The following EFNA5 variants were observed in gnomAD, a reference collection of about 807,000 sequenced individuals.
EFNA5 encodes the protein ephrin A5, also known as ephrin-A5.
EFNA5 carries 5 observed loss-of-function variants against 22.9 expected under a neutral mutation model. The observed-to-expected ratio is 0.22, with a 90% CI of 0.11 to 0.46. The LOEUF is 0.46. Ranked by LOEUF, EFNA5 falls within the 20% of genes least tolerant of loss-of-function variation. EFNA5 has a pLI of 0.99. For synonymous variants in EFNA5, 113 were observed against 112.2 expected (o/e 1.01, Z -0.04); for missense variants, 237 against 293.3 (o/e 0.81, Z 1.40).
chr5:107,436,943 A>T (rs1222908856), intron 1 of EFNA5, among the ~76,000 whole-genome samples: 5 of 142,006 alleles, frequency 3.5e-5, no homozygotes, highest in Non-Finnish European at 7.8e-5. Flanking sequence ...AGGGTTAATA[A>T]GTAAATCTCC....
chr5:107,396,045 T>C (rs1580422197), intron 2 of EFNA5, among the ~76,000 whole-genome samples: 3 of 152,296 alleles, frequency 2.0e-5, no homozygotes, highest in African/African-American at 7.2e-5. Context: ...ACAGAAACAA[T>C]GTCATTATCA....
intron 2 of EFNA5, among the ~76,000 whole-genome samples, chr5:107,395,263 T>G (rs893888320): frequency 3.3e-5 from 5 of 152,088 alleles, no homozygotes; most frequent in Non-Finnish European, 7.4e-5. Flanking sequence ...GGTCTCGAAC[T>G]TCTGACCTCA....
At chr5:107,536,666 A>G (rs773504800) in intron 1 of EFNA5, among the ~76,000 whole-genome samples, 6 of 152,236 alleles carry the variant, frequency 3.9e-5, no homozygotes, top group Non-Finnish European at 5.9e-5. Context: ...TATATCAAAC[A>G]GGAGCTCAAA....
chr5:107,385,975 A>G (rs1338193790), intron 4 of EFNA5, among the ~76,000 whole-genome samples: 1 of 151,978 alleles, frequency 6.6e-6, no homozygotes, highest in Admixed American at 6.6e-5. Flanking sequence ...AAAAAACTCT[A>G]ACTCTTCCTG....
At chr5:107,539,791 G>A (rs1748008162) in intron 1 of EFNA5, among the ~76,000 whole-genome samples, 1 of 152,130 alleles carries the variant, frequency 6.6e-6, no homozygotes, top group Admixed American at 6.5e-5. Context: ...ATACAAACCA[G>A]TCAGCATACC....
chr5:107,572,641 C>T (rs906291829), intron 1 of EFNA5, among the ~76,000 whole-genome samples: 1 of 152,120 alleles, frequency 6.6e-6, no homozygotes. Context: ...GACACTGCAG[C>T]GTAGGATCAA....
At chr5:107,557,098 T>G (rs1028578141) in intron 1 of EFNA5, among the ~76,000 whole-genome samples, 1 of 152,136 alleles carries the variant, frequency 6.6e-6, no homozygotes, top group Non-Finnish European at 1.5e-5. Flanking sequence ...TAAAACCACC[T>G]ACATCTCCCT....
chr5:107,667,864 T>C (rs964605662), intron 1 of EFNA5, among the ~76,000 whole-genome samples: 2 of 152,212 alleles, frequency 1.3e-5, no homozygotes, highest in Non-Finnish European at 2.9e-5. Flanking sequence ...TTATAAAATT[T>C]ACTAAACCCG....
rs1174296136 is a variant in EFNA5 at position 107,482,860 on chromosome 5, CTCTCTCTCTCTA to C, written c.126-55363_126-55352del. Among the ~76,000 whole-genome samples, 816 of 87,658 alleles carry C rather than the reference CTCTCTCTCTCTA, an allele frequency of 9.3e-3. 7 individuals are homozygous for C. The highest frequency in any genetic ancestry group is 0.035 in the African/African-American group (766 of 22,192). The allele number at this position is 87,658 out of a possible 152,430, so 57.5% of individuals were successfully genotyped here. ...TCTCTCTCTCTCTCTCTCTCTCTCTCTCTCTCTCTCTATATATATATATATATATATATACAT... is the reference window on the plus strand; with the variant it reads ...TCTCTCTCTCTCTCTCTCTCTCTCTCTATATATATATATATATATATACAT... On this transcript the variant is annotated intron_variant, in intron 1 of 4. Transcript: ENST00000333274.
chr5:107,484,823 G>A (rs1746552733), intron 1 of EFNA5, among the ~76,000 whole-genome samples: 1 of 151,444 alleles, frequency 6.6e-6, no homozygotes. Context: ...AGATTTCTGA[G>A]TTGAGGAATA....
In EFNA5 at chr5:107,381,222, G is replaced by A. The variant is rs944172192; in HGVS notation, c.*33C>T. The stretch of plus-strand genomic sequence containing the variant: ...ATCTCTGGTGTTCCAAGACCCTGAT[G>A]TTTTCTGTGACAAGTGATGGGAGGA... On this transcript the variant is annotated 3_prime_UTR_variant, in exon 5 of 5. Transcript: ENST00000333274. 1.2e-6 allele frequency: 2 copies of A among 1,600,322 alleles called. No homozygotes were observed. Among genetic ancestry groups the A allele is most frequent in the Admixed American group, 3.3e-5 (2 of 59,720 alleles).
At chr5:107,392,222 T>C (rs891537260) in intron 2 of EFNA5, among the ~76,000 whole-genome samples, 1 of 152,174 alleles carries the variant, frequency 6.6e-6, no homozygotes, top group Non-Finnish European at 1.5e-5. Context: ...CAGTCCTTTG[T>C]ATAATCCCCT....
chr5:107,655,929 T>C (rs886264127), intron 1 of EFNA5, among the ~76,000 whole-genome samples: 1 of 152,090 alleles, frequency 6.6e-6, no homozygotes, highest in African/African-American at 2.4e-5. Context: ...AGATAGTCAA[T>C]AGCAAGAGTT....
At chr5:107,519,962 C>A (rs1747560607) in intron 1 of EFNA5, among the ~76,000 whole-genome samples, 1 of 152,166 alleles carries the variant, frequency 6.6e-6, no homozygotes, top group Non-Finnish European at 1.5e-5. Context: ...CCCATTCCAT[C>A]CTGATTTCTC....
chr5:107,608,159 G>C (rs148447360), intron 1 of EFNA5, among the ~76,000 whole-genome samples: 35 of 152,270 alleles, frequency 2.3e-4, no homozygotes, highest in African/African-American at 7.9e-4. Flanking sequence ...ACAGAAATGT[G>C]TAACTTCCCC....
intron 1 of EFNA5, among the ~76,000 whole-genome samples, chr5:107,516,124 C>A (rs1747472261): frequency 6.6e-6 from 1 of 151,622 alleles, no homozygotes; most frequent in African/African-American, 2.4e-5. Flanking sequence ...CCTGCCTCAG[C>A]CTCCTAAGTA....
intron 4 of EFNA5, among the ~76,000 whole-genome samples, chr5:107,383,406 A>G (rs2112484071): frequency 6.6e-6 from 1 of 152,268 alleles, no homozygotes; most frequent in South Asian, 2.1e-4. Flanking sequence ...TTAAATCTGT[A>G]GTTAATAGGA....
chr5:107,427,016 T>C (rs542036819), intron 2 of EFNA5: 43 of 591,178 alleles, frequency 7.3e-5, no homozygotes, highest in Middle Eastern at 2.7e-4. Context: ...CGTAATTTCA[T>C]AGGGGGAGAC....
At chr5:107,597,984 T>A (rs192209205) in intron 1 of EFNA5, among the ~76,000 whole-genome samples, 134 of 152,308 alleles carry the variant, frequency 8.8e-4, no homozygotes, top group Non-Finnish European at 1.6e-3. Flanking sequence ...ACTTCTGTAG[T>A]CATTTTCCTA....
Sources: allele counts gnomAD v4.1 joint callset (sites outside exome capture counted in the v4.1 genomes callset), GRCh38; gene constraint gnomAD v4.1.1; transcripts MANE v1.5; gene names NCBI Gene and HGNC (gene_info 2026-07-23, HGNC 2026-07-21).